SH2B3: variants seen among roughly 807,000 people sequenced by gnomAD.
SH2B3 encodes the protein SH2B adaptor protein 3, also known as SH2B adapter protein 3.
SH2B3 carries 43 observed loss-of-function variants against 51.9 expected under a neutral mutation model. The ratio of observed to expected loss-of-function variants is 0.83; its 90% CI spans 0.65 to 1.07. The LOEUF (loss-of-function observed/expected upper bound fraction) is 1.07. Ranked by LOEUF, SH2B3 falls within the 50% of genes least tolerant of loss-of-function variation. The pLI is 0.00. For synonymous variants in SH2B3, 396 were observed against 376.0 expected, an observed-to-expected ratio of 1.05 and a Z score of -0.62; for missense variants, 952 against 834.3, an observed-to-expected ratio of 1.14 and a Z score of -1.74.
intron 2 of SH2B3, chr12:111,443,403 T>TC (rs1270608036): frequency 6.6e-6 from 1 of 152,348 alleles, no homozygotes; most frequent in African/African-American, 2.4e-5. Context: ...CTTTCCTAGC[T>TC]CCCCCGCCCT....
intron 1 of SH2B3, among the ~76,000 whole-genome samples, chr12:111,415,245 G>T (rs1870993431): frequency 6.6e-6 from 1 of 152,220 alleles, no homozygotes. Flanking sequence ...CCAGTTTTGT[G>T]CCTGAGTAGG....
At position 111,407,671 on chromosome 12, in the gene SH2B3, C is replaced by T. The variant is rs749806084; in HGVS notation, c.-28+1394C>T. On this transcript the variant is annotated intron_variant, in intron 1 of 7. Transcript: ENST00000341259. The surrounding 1 kb of genome is among the most constrained non-coding windows in gnomAD (Gnocchi z 4.3). ...TTCCTGAGCCTTTTCCCACTACCCC[C>T]TCTGGGAGGGAAAATCCTTCTGAGC... Among the ~76,000 whole-genome samples the T allele has an allele frequency of 2.6e-5, 4 of 152,224 alleles. No individual in the cohort carries two copies. Among genetic ancestry groups the T allele is most frequent in the African/African-American group, 4.8e-5 (2 of 41,456 alleles).
chr12:111,410,697 C>T lies in SH2B3; in HGVS notation c.-28+4420C>T, dbSNP rs1012534493. Among the ~76,000 whole-genome samples the T allele has an allele frequency of 1.3e-5, 2 of 152,188 alleles. No homozygotes were observed. Among genetic ancestry groups the T allele is most frequent in the Non-Finnish European group, 1.5e-5 (1 of 68,026 alleles). On this transcript the variant is annotated intron_variant, in intron 1 of 7. Coordinates refer to ENST00000341259, the MANE Select transcript of SH2B3 (RefSeq NM_005475.3). The surrounding 1 kb of genome is among the most constrained non-coding windows in gnomAD (Gnocchi z 4.9). ...TGCATCAGTGTCCAGCCAGCTGCCC[C>T]GTGGCCTGGGGTAGAACCCACCTCT...
intron 2 of SH2B3, among the ~76,000 whole-genome samples, chr12:111,446,343 T>G (rs1180716554): frequency 6.6e-6 from 1 of 152,212 alleles, no homozygotes; most frequent in Non-Finnish European, 1.5e-5. Context: ...GGTTTTACAG[T>G]GGCTATAACT....
intron 2 of SH2B3, among the ~76,000 whole-genome samples, chr12:111,436,128 TG>T (rs1363931994): frequency 6.6e-6 from 1 of 152,158 alleles, no homozygotes; most frequent in African/African-American, 2.4e-5. Context: ...CAGCTCCCGG[TG>T]CCTGACAGTT....
In SH2B3 at chr12:111,438,754, G is replaced by A. The variant is rs1873121237; in HGVS notation, c.733-7999G>A. Among the ~76,000 whole-genome samples the A allele has an allele frequency of 6.6e-6, 1 of 152,200 alleles. No homozygotes were observed. Among genetic ancestry groups the A allele is most frequent in the Admixed American group, 6.5e-5 (1 of 15,288 alleles). ...TCAGGATTTAGATACTGTGGTCAGG[G>A]AGGGCCTCCCTGAGGAGATGACACT... On this transcript the variant is annotated intron_variant, in intron 2 of 7. Transcript: ENST00000341259. This position sits in a 1 kb window ranked among gnomAD's most constrained non-coding sequence, Gnocchi z 4.2.
At chr12:111,420,086 A>G (rs891253608) in intron 2 of SH2B3, among the ~76,000 whole-genome samples, 4 of 152,180 alleles carry the variant, frequency 2.6e-5, no homozygotes, top group Non-Finnish European at 1.5e-5. Flanking sequence ...GCATTGACAG[A>G]TTGGTGTTTT....
intron 1 of SH2B3, among the ~76,000 whole-genome samples, chr12:111,415,367 A>G (rs1224471486): frequency 6.6e-6 from 1 of 152,164 alleles, no homozygotes; most frequent in Non-Finnish European, 1.5e-5. Flanking sequence ...AGAGGTCCCA[A>G]CTGTTCTGCA....
At position 111,418,430 on chromosome 12, in the gene SH2B3, G is replaced by GC; in HGVS notation, c.290dup (p.Ala98SerfsTer25). On this transcript the variant is annotated frameshift_variant, in exon 2 of 8. Transcript: ENST00000341259. LOFTEE classifies it high-confidence loss of function. This position sits in a 1 kb window ranked among gnomAD's most constrained non-coding sequence, Gnocchi z 6.7. Reference sequence around the variant, plus strand: ...GCGACTACCGGGACACAGGCCGTGGGCCCCCAGCCAAGGCCGAGGCGTCCC... The same window carrying GC: ...GCGACTACCGGGACACAGGCCGTGGGCCCCCCAGCCAAGGCCGAGGCGTCCC... 6.9e-7 allele frequency: 1 copy of GC among 1,458,366 alleles called. No homozygotes were observed. Among genetic ancestry groups the GC allele is most frequent in the Non-Finnish European group, 9.0e-7 (1 of 1,110,646 alleles). The allele number at this position is 1,458,366 out of a possible 1,614,324, so 90.3% of individuals were successfully genotyped here. A position where few individuals can be genotyped will look rare whatever the true frequency, so the allele number is the denominator to read the frequency against.
Position 111,438,541 on chromosome 12 carries a change from C to A in SH2B3, c.733-8212C>A, listed in dbSNP as rs559410498. On this transcript the variant is annotated intron_variant, in intron 2 of 7. Transcript: ENST00000341259. The surrounding 1 kb of genome is among the most constrained non-coding windows in gnomAD (Gnocchi z 4.2). ...ATCCCCTATGCCCCCCGTTACCCAG[C>A]ACAAAGGATGCTTAGCCAGCAAAAG... 1.1e-4 allele frequency among the ~76,000 whole-genome samples: 17 copies of A among 152,206 alleles called. No individual in the cohort carries two copies. Among genetic ancestry groups the A allele is most frequent in the Non-Finnish European group, 2.2e-4 (15 of 68,034 alleles).
In SH2B3 at chr12:111,418,502, C is replaced by A; in HGVS notation, c.357C>A (p.Arg119=). Residue 119 remains arginine, a synonymous_variant, in exon 2 of 8, where the codon CGC becomes CGA. Coordinates refer to ENST00000341259, the MANE Select transcript of SH2B3 (RefSeq NM_005475.3). This position sits in a 1 kb window ranked among gnomAD's most constrained non-coding sequence, Gnocchi z 6.7. ...GPAAPGLPKA[R]SSEELAPPRP... ...CCGCCCCTGGCCTGCCCAAGGCCCG[C>A]AGCTCTGAGGAGCTGGCCCCGCCGC... 1 of 1,381,402 alleles carries A rather than the reference C, an allele frequency of 7.2e-7. No homozygotes were observed. Among genetic ancestry groups the A allele is most frequent in the South Asian group, 1.5e-5 (1 of 68,522 alleles). 85.6% of individuals were successfully genotyped at this position (1,381,402 alleles called of 1,614,324 possible). A position where few individuals can be genotyped will look rare whatever the true frequency, so the allele number is the denominator to read the frequency against.
At chr12:111,405,535 C>A (rs1032921093), upstream of SH2B3, among the ~76,000 whole-genome samples, 6 of 151,938 alleles carry the variant, frequency 3.9e-5, no homozygotes, top group Admixed American at 3.9e-4. The surrounding 1 kb of genome is among the most constrained non-coding windows in gnomAD (Gnocchi z 5.4). Context: ...CCCGCCCCTT[C>A]ATCTGGCCCC....
In SH2B3 at chr12:111,418,943, C is replaced by G. The variant is rs566808156; in HGVS notation, c.732+66C>G. The G allele has an allele frequency of 1.5e-6, 2 of 1,323,764 alleles. No homozygotes were observed. Among genetic ancestry groups the G allele is most frequent in the East Asian group, 3.2e-5 (1 of 31,378 alleles). The allele number at this position is 1,323,764 out of a possible 1,614,324, so 82.0% of individuals were successfully genotyped here. Reference sequence around the variant, plus strand: ...CCCTTCGCCTTCACCCTGGGGAGAGCGCGGGCTGGGGAGGTGTGATGGCTT... The same window carrying G: ...CCCTTCGCCTTCACCCTGGGGAGAGGGCGGGCTGGGGAGGTGTGATGGCTT... On this transcript the variant is annotated intron_variant, in intron 2 of 7. Transcript: ENST00000341259. This position sits in a 1 kb window ranked among gnomAD's most constrained non-coding sequence, Gnocchi z 6.7.
chr12:111,444,943 C>T, intron 2 of SH2B3: 3 of 915,930 alleles, frequency 3.3e-6, no homozygotes, highest in Non-Finnish European at 3.9e-6. Context: ...TCAAGGGCTG[C>T]TGTGGGGAGT....
rs1162223254 is a variant in SH2B3, at chr12:111,410,051, AC to A, written c.-28+3780del. Among the ~76,000 whole-genome samples, 1 of 151,760 alleles carries A rather than the reference AC, an allele frequency of 6.6e-6. No homozygotes were observed. The highest frequency in any genetic ancestry group is 2.4e-5 in the African/African-American group (1 of 41,362). Reference sequence around the variant, plus strand: ...CCTGGGGGCCCACCCGGATGTGGCTACCCCCCGGCTGGCCAGTGGGGAGCCG... The same window carrying A: ...CCTGGGGGCCCACCCGGATGTGGCTACCCCCGGCTGGCCAGTGGGGAGCCG... On this transcript the variant is annotated intron_variant, in intron 1 of 7. Transcript: ENST00000341259. This position sits in a 1 kb window ranked among gnomAD's most constrained non-coding sequence, Gnocchi z 4.9.
intron 2 of SH2B3, chr12:111,444,233 AAG>A (rs1353746546): frequency 6.6e-6 from 1 of 152,216 alleles, no homozygotes; most frequent in African/African-American, 2.4e-5. Context: ...TAGAGGATAA[AAG>A]AACTATAACA....
chr12:111,446,274 A>G (rs1873944942), intron 2 of SH2B3, among the ~76,000 whole-genome samples: 1 of 152,200 alleles, frequency 6.6e-6, no homozygotes, highest in Non-Finnish European at 1.5e-5. Context: ...GCTAACTCCT[A>G]TCCACCCTGC....
In SH2B3 at chr12:111,405,932, C is replaced by T. The variant is rs1459043666; in HGVS notation, c.-373C>T. 1 of 151,744 alleles carries T rather than the reference C, an allele frequency of 6.6e-6. No individual in the cohort carries two copies. Among genetic ancestry groups the T allele is most frequent in the African/African-American group, 2.4e-5 (1 of 41,396 alleles). 9.4% of individuals were successfully genotyped at this position (151,744 alleles called of 1,614,324 possible). A position where few individuals can be genotyped will look rare whatever the true frequency, so the allele number is the denominator to read the frequency against. On this transcript the variant is annotated 5_prime_UTR_variant, in exon 1 of 8. Transcript: ENST00000341259. The surrounding 1 kb of genome is among the most constrained non-coding windows in gnomAD (Gnocchi z 5.4). ...CGGCCGGTTCCTCTTTACATAACGG[C>T]GCGGGGCGGCATGGGCCCGGGCCAC...
chr12:111,430,670 C>T (rs1051979287), intron 2 of SH2B3, among the ~76,000 whole-genome samples: 6 of 152,164 alleles, frequency 3.9e-5, no homozygotes, highest in East Asian at 1.9e-4. Context: ...CTCTTGTATC[C>T]TTGCTGTGTG....
Sources: allele counts gnomAD v4.1 joint callset (sites outside exome capture counted in the v4.1 genomes callset), GRCh38; gene constraint gnomAD v4.1.1; non-coding constraint Gnocchi (gnomAD v3.1); transcripts MANE v1.5; gene names NCBI Gene and HGNC (gene_info 2026-07-23, HGNC 2026-07-21).